CYP7B1: variants seen among roughly 807,000 people sequenced by gnomAD.
CYP7B1 encodes the protein cytochrome P450 7B1.
In CYP7B1, 29 loss-of-function variants were observed where a neutral mutation model predicts 42.7. That is an observed-to-expected ratio of 0.68 (90% CI 0.51 to 0.93). The LOEUF (loss-of-function observed/expected upper bound fraction) is 0.93, where lower values mean the gene tolerates loss of function less well. CYP7B1 is among the 40% of genes least tolerant of loss of function. The probability of loss-of-function intolerance (pLI) is 0.00; values close to 1 mark genes in which losing one functional copy is unlikely to be tolerated. For synonymous variants in CYP7B1, 235 were observed against 218.2 expected (o/e 1.08, Z -0.68); for missense variants, 655 against 600.5 (o/e 1.09, Z -0.95).
At chr8:64,773,860 A>G (rs528020917) in intron 1 of CYP7B1, among the ~76,000 whole-genome samples, 1 of 152,154 alleles carries the variant, frequency 6.6e-6, no homozygotes, top group East Asian at 1.9e-4. Context: ...TCTCACAATA[A>G]ATAACCCACT....
chr8:64,776,315 T>C (rs924340426), intron 1 of CYP7B1, among the ~76,000 whole-genome samples: 3 of 152,148 alleles, frequency 2.0e-5, no homozygotes, highest in African/African-American at 7.2e-5. Context: ...TTGTTGATAA[T>C]TATCTGTTCT....
intron 1 of CYP7B1, among the ~76,000 whole-genome samples, chr8:64,716,566 G>C (rs1234589354): frequency 2.0e-5 from 3 of 152,090 alleles, no homozygotes; most frequent in Non-Finnish European, 4.4e-5. Context: ...AATTAGCCAG[G>C]CGTGGTGGTA....
chr8:64,741,777 T>A (rs1212560996), intron 1 of CYP7B1, among the ~76,000 whole-genome samples: 1 of 152,222 alleles, frequency 6.6e-6, no homozygotes, highest in East Asian at 1.9e-4. Flanking sequence ...ATGAAATGCT[T>A]GTTATAAGCT....
chr8:64,697,542 G>A (rs1004183222), intron 1 of CYP7B1, among the ~76,000 whole-genome samples: 2 of 152,110 alleles, frequency 1.3e-5, no homozygotes, highest in Admixed American at 6.5e-5. Flanking sequence ...ACTCCAGGTT[G>A]GACATAATAA....
chr8:64,617,255 G>A (rs1805462879), intron 2 of CYP7B1, among the ~76,000 whole-genome samples: 1 of 152,148 alleles, frequency 6.6e-6, no homozygotes, highest in African/African-American at 2.4e-5. Context: ...AAGGCTTGGA[G>A]GGGGTCCTAC....
At chr8:64,778,105 CT>C (rs1418014586) in intron 1 of CYP7B1, among the ~76,000 whole-genome samples, 3 of 149,296 alleles carry the variant, frequency 2.0e-5, no homozygotes, top group Admixed American at 6.7e-5. Context: ...ATATTTTTAT[CT>C]TTTGGCATGA....
At chr8:64,672,036 G>A (rs1371312644) in intron 1 of CYP7B1, among the ~76,000 whole-genome samples, 1 of 152,118 alleles carries the variant, frequency 6.6e-6, no homozygotes, top group Non-Finnish European at 1.5e-5. Flanking sequence ...TGAAATAAGA[G>A]CTGACATTCT....
chr8:64,770,589 A>G (rs1804206300), intron 1 of CYP7B1, among the ~76,000 whole-genome samples: 2 of 152,254 alleles, frequency 1.3e-5, no homozygotes. Context: ...CAATAAATCT[A>G]AAACCAATAT....
intron 1 of CYP7B1, among the ~76,000 whole-genome samples, chr8:64,706,689 G>A (rs1807004586): frequency 6.6e-6 from 1 of 151,834 alleles, no homozygotes; most frequent in African/African-American, 2.4e-5. Context: ...AATAAAAAAG[G>A]ATGTTGCTTG....
At chr8:64,679,271 A>T (rs970848020) in intron 1 of CYP7B1, among the ~76,000 whole-genome samples, 3 of 152,154 alleles carry the variant, frequency 2.0e-5, no homozygotes, top group African/African-American at 7.2e-5. Flanking sequence ...TATATAACTT[A>T]TTTGTAGAAA....
At chr8:64,696,989 T>C (rs1282097214) in intron 1 of CYP7B1, among the ~76,000 whole-genome samples, 5 of 152,212 alleles carry the variant, frequency 3.3e-5, no homozygotes. Flanking sequence ...TGTGAAATTG[T>C]GGCAAATGCT....
chr8:64,673,684 A>T (rs1188720136), intron 1 of CYP7B1, among the ~76,000 whole-genome samples: 1 of 152,038 alleles, frequency 6.6e-6, no homozygotes, highest in Non-Finnish European at 1.5e-5. Flanking sequence ...GCTCTGAGTA[A>T]GATATTAGCC....
rs1805081713 is a variant in CYP7B1, at chr8:64,594,184, GA to G, written c.*2457del. Reference sequence around the variant, plus strand: ...CTGAGATGGTTAGGCACAGTAGTGTGAGGATAGGTGATGGAAAAGCTTTTAA... The same window carrying G: ...CTGAGATGGTTAGGCACAGTAGTGTGGGATAGGTGATGGAAAAGCTTTTAA... On this transcript the variant is annotated 3_prime_UTR_variant, in exon 6 of 6. Coordinates refer to ENST00000310193, the MANE Select transcript of CYP7B1 (RefSeq NM_004820.5). Among the ~76,000 whole-genome samples the G allele has an allele frequency of 6.6e-6, 1 of 152,168 alleles. No individual in the cohort carries two copies. The highest frequency in any genetic ancestry group is 6.5e-5 in the Admixed American group (1 of 15,278).
At chr8:64,697,637 T>TA (rs1178248515) in intron 1 of CYP7B1, among the ~76,000 whole-genome samples, 1 of 152,192 alleles carries the variant, frequency 6.6e-6, no homozygotes, top group East Asian at 1.9e-4. Flanking sequence ...ATCTAGGAGA[T>TA]ACGCCACTGC....
chr8:64,623,056 G>A (rs1358960752), intron 2 of CYP7B1, among the ~76,000 whole-genome samples: 3 of 151,970 alleles, frequency 2.0e-5, no homozygotes, highest in African/African-American at 7.3e-5. Context: ...AGCACAGACA[G>A]GACATGCAAA....
At chr8:64,600,955 T>C (rs1282288047) in intron 5 of CYP7B1, among the ~76,000 whole-genome samples, 5 of 152,194 alleles carry the variant, frequency 3.3e-5, no homozygotes, top group Non-Finnish European at 5.9e-5. Flanking sequence ...TGTCACTCAC[T>C]ATGCCCATCA....
At chr8:64,717,392 T>G (rs953760552) in intron 1 of CYP7B1, among the ~76,000 whole-genome samples, 1 of 152,212 alleles carries the variant, frequency 6.6e-6, no homozygotes, top group Non-Finnish European at 1.5e-5. Flanking sequence ...ACTTGCTAGC[T>G]CTTTACCATT....
At chr8:64,662,270 C>T (rs1054753741) in intron 1 of CYP7B1, among the ~76,000 whole-genome samples, 47 of 152,162 alleles carry the variant, frequency 3.1e-4, no homozygotes, top group African/African-American at 1.1e-3. Flanking sequence ...GAGGTCGAGG[C>T]TGCGGTGTGC....
At chr8:64,720,138 G>A (rs1807215703) in intron 1 of CYP7B1, among the ~76,000 whole-genome samples, 1 of 152,118 alleles carries the variant, frequency 6.6e-6, no homozygotes, top group South Asian at 2.1e-4. Flanking sequence ...ACACTGAATA[G>A]CTAAGGATTT....
Sources: allele counts gnomAD v4.1 joint callset (sites outside exome capture counted in the v4.1 genomes callset), GRCh38; gene constraint gnomAD v4.1.1; transcripts MANE v1.5; gene names NCBI Gene and HGNC (gene_info 2026-07-23, HGNC 2026-07-21).